Variants in URI1 observed in about 807,000 individuals in gnomAD.
The protein encoded by URI1 is unconventional prefoldin RPB5 interactor 1.
In URI1, 39 loss-of-function variants were observed where a neutral mutation model predicts 60.2. The ratio of observed to expected loss-of-function variants is 0.65; its 90% CI spans 0.50 to 0.85. The LOEUF (loss-of-function observed/expected upper bound fraction) is 0.85, where lower values mean the gene tolerates loss of function less well. URI1 is among the 40% of genes least tolerant of loss of function. The probability of loss-of-function intolerance (pLI) is 0.00; values close to 1 mark genes in which losing one functional copy is unlikely to be tolerated. For synonymous variants in URI1, 251 were observed against 236.8 expected (o/e 1.06, Z -0.55); for missense variants, 691 against 665.9 (o/e 1.04, Z -0.42).
intron 1 of URI1, among the ~76,000 whole-genome samples, chr19:29,926,235 C>CCTTCCTTCCTTG (rs2054865015): frequency 1.9e-5 from 1 of 52,324 alleles, no homozygotes; most frequent in Admixed American, 1.8e-4. Context: ...CTTCCTCTCT[C>CCTTCCTTCCTTG]CTTCCTTCCT....
chr19:30,006,309 G>A (rs1351842879), intron 6 of URI1, among the ~76,000 whole-genome samples: 1 of 152,084 alleles, frequency 6.6e-6, no homozygotes, highest in African/African-American at 2.4e-5. Flanking sequence ...AAGTATTACA[G>A]ATGGCTTATT....
chr19:29,994,195 C>T (rs940363248), intron 4 of URI1, among the ~76,000 whole-genome samples: 2 of 152,160 alleles, frequency 1.3e-5, no homozygotes, highest in Non-Finnish European at 2.9e-5. Flanking sequence ...AGACTGACTA[C>T]ACCTTTGCCA....
chr19:29,997,458 A>G (rs1327495316), intron 4 of URI1, among the ~76,000 whole-genome samples: 3 of 152,024 alleles, frequency 2.0e-5, no homozygotes, highest in African/African-American at 4.8e-5. Context: ...TCTAATAAAG[A>G]TTTGTCAATT....
intron 4 of URI1, among the ~76,000 whole-genome samples, chr19:29,992,452 G>T (rs2055758604): frequency 6.6e-6 from 1 of 152,128 alleles, no homozygotes; most frequent in Admixed American, 6.5e-5. Context: ...GATGTACTTA[G>T]ACCATTTACA....
intron 2 of URI1, among the ~76,000 whole-genome samples, chr19:29,975,072 C>CT (rs376515692): frequency 5.5e-4 from 79 of 142,720 alleles, no homozygotes; most frequent in South Asian, 4.5e-3. Context: ...TGGCAGAATG[C>CT]TTTTTTTTTT....
At chr19:29,949,343 C>T (rs1305184821) in intron 1 of URI1, among the ~76,000 whole-genome samples, 9 of 151,300 alleles carry the variant, frequency 5.9e-5, no homozygotes, top group Non-Finnish European at 1.0e-4. Context: ...CCCCACATCT[C>T]AGACGATGGG....
chr19:29,996,576 C>A (rs1275134943), intron 4 of URI1, among the ~76,000 whole-genome samples: 1 of 151,750 alleles, frequency 6.6e-6, no homozygotes, highest in Non-Finnish European at 1.5e-5. Context: ...GACTTCTTTC[C>A]AATTTGGAGG....
In URI1 at chr19:29,924,996, C is replaced by T. The variant is rs1056087157; in HGVS notation, c.63+1242C>T. Among the ~76,000 whole-genome samples, 10 of 152,284 alleles carry T rather than the reference C, an allele frequency of 6.6e-5. No individual in the cohort carries two copies. In the East Asian group the frequency reaches 1.2e-3, roughly 18 times the overall value. On this transcript the variant is annotated intron_variant, in intron 1 of 10. Transcript: ENST00000360605. Reference sequence around the variant, plus strand: ...GATCACAGGCATGCACCACCACGCCCGGCTAATTTTTGTATTTTTGGTAGA... The same window carrying T: ...GATCACAGGCATGCACCACCACGCCTGGCTAATTTTTGTATTTTTGGTAGA...
intron 1 of URI1, among the ~76,000 whole-genome samples, chr19:29,959,559 C>G (rs1041857673): frequency 1.3e-5 from 2 of 152,166 alleles, no homozygotes; most frequent in African/African-American, 4.8e-5. Context: ...CAAAGACTAT[C>G]CAGATTTTCT....
chr19:29,952,207 G>A (rs2055188600), intron 1 of URI1, among the ~76,000 whole-genome samples: 1 of 152,084 alleles, frequency 6.6e-6, no homozygotes, highest in East Asian at 1.9e-4. Context: ...AATTTTATTG[G>A]AAAGTTTAAT....
At chr19:29,948,631 A>C (rs915278363) in intron 1 of URI1, among the ~76,000 whole-genome samples, 18 of 152,152 alleles carry the variant, frequency 1.2e-4, no homozygotes, top group African/African-American at 4.3e-4. Context: ...TGGACACAGC[A>C]CATGTTTCAG....
intron 1 of URI1, among the ~76,000 whole-genome samples, chr19:29,946,069 C>T (rs2055099542): frequency 1.9e-3 from 1 of 522 alleles, no homozygotes; most frequent in African/African-American, 0.014. Flanking sequence ...GATTTCCTTC[C>T]CCCCCCCAAA....
intron 4 of URI1, chr19:30,004,430 C>T (rs2055914254): frequency 6.6e-6 from 1 of 151,964 alleles, no homozygotes; most frequent in Non-Finnish European, 1.5e-5. Flanking sequence ...AGACCTTTGC[C>T]AGACCTGCAT....
intron 2 of URI1, among the ~76,000 whole-genome samples, chr19:29,973,299 C>A (rs907750995): frequency 1.3e-5 from 2 of 152,090 alleles, no homozygotes; most frequent in Non-Finnish European, 2.9e-5. Context: ...TAATTTTGTG[C>A]TATTTGCGGA....
Position 29,942,608 on chromosome 19 carries a change from G to A in URI1, c.61G>A (p.Ala21Thr), listed in dbSNP as rs969075996. 1.4e-6 allele frequency: 2 copies of A among 1,470,382 alleles called. No individual in the cohort carries two copies. Among genetic ancestry groups the A allele is most frequent in the Non-Finnish European group, 1.8e-6 (2 of 1,115,292 alleles). The allele number at this position is 1,470,382 out of a possible 1,614,324, so 91.1% of individuals were successfully genotyped here. A position where few individuals can be genotyped will look rare whatever the true frequency, so the allele number is the denominator to read the frequency against. ...CTCGCCCCCTTCGGCCCCGGCCCCT[G>A]CCCTGGTTCCGTTGCGCGCCCCGGA... Reference protein sequence around the residue: ...DPSPPSAPAPALVPLRAPDVA... With the variant: ...DPSPPSAPAPTLVPLRAPDVA... The change falls in exon 1 of 11, where the codon GCC becomes ACC. Residue 21 changes from alanine to threonine, a missense_variant. Physicochemically the swap from Ala to Thr is moderately conservative, Grantham distance 58. Transcript: ENST00000392271.
chr19:29,997,313 A>C lies in URI1; in HGVS notation c.368-8048A>C, dbSNP rs925633134. Among the ~76,000 whole-genome samples, 3 of 152,174 alleles carry C rather than the reference A, an allele frequency of 2.0e-5. No individual in the cohort carries two copies. The East Asian group carries it at 5.8e-4, about 29-fold the overall frequency. ...TTCTAGGAATTTGTCTATTTTATCTAAATTATCAAACTTGTTGGCAGTCAG... is the reference window on the plus strand; with the variant it reads ...TTCTAGGAATTTGTCTATTTTATCTCAATTATCAAACTTGTTGGCAGTCAG... On this transcript the variant is annotated intron_variant, in intron 4 of 10. Coordinates refer to ENST00000392271, the MANE Select transcript of URI1 (RefSeq NM_003796.3).
chr19:29,988,299 G>A (rs1411883635), intron 4 of URI1, among the ~76,000 whole-genome samples: 1 of 152,134 alleles, frequency 6.6e-6, no homozygotes, highest in Admixed American at 6.5e-5. Context: ...TCTTAAGGCA[G>A]AGGAAATATA....
chr19:29,939,624 G>C (rs560866372), upstream of URI1, among the ~76,000 whole-genome samples: 28 of 152,340 alleles, frequency 1.8e-4, no homozygotes, highest in South Asian at 5.4e-3. Flanking sequence ...AATTTAAAAA[G>C]TGAGGTGAGG....
intron 1 of URI1, among the ~76,000 whole-genome samples, chr19:29,944,141 A>ATATG (rs2055068242): frequency 3.8e-4 from 2 of 5,272 alleles, no homozygotes; most frequent in Non-Finnish European, 6.5e-4. Context: ...CCTGTCATTC[A>ATATG]TATATATATA....
Sources: allele counts gnomAD v4.1 joint callset (sites outside exome capture counted in the v4.1 genomes callset), GRCh38; gene constraint gnomAD v4.1.1; transcripts MANE v1.5; gene names NCBI Gene and HGNC (gene_info 2026-07-23, HGNC 2026-07-21).